GM2A: variants seen among roughly 807,000 people sequenced by gnomAD.
The protein encoded by GM2A is ganglioside GM2 activator.
GM2A carries 7 observed loss-of-function variants against 12.9 expected under a neutral mutation model. That is an observed-to-expected ratio of 0.54 (90% CI 0.31 to 1.02). GM2A has a LOEUF of 1.02. Ranked by LOEUF, GM2A falls within the 50% of genes least tolerant of loss-of-function variation. The probability of loss-of-function intolerance (pLI) is 0.05; values close to 1 mark genes in which losing one functional copy is unlikely to be tolerated. For missense variants in GM2A, 246 were observed against 241.0 expected (o/e 1.02, Z -0.14); for synonymous variants, 101 against 96.0 (o/e 1.05, Z -0.30).
chr5:151,268,234 C>A lies in GM2A; in HGVS notation c.*783C>A. On this transcript the variant is annotated 3_prime_UTR_variant, in exon 4 of 4. Transcript: ENST00000357164. Reference sequence around the variant, plus strand: ...GCAGTGGTGCAATCTCACCTCACTGCAACCTCCGCCTCCTGGGTTCAAGCA... The same window carrying A: ...GCAGTGGTGCAATCTCACCTCACTGAAACCTCCGCCTCCTGGGTTCAAGCA... 2 of 586,360 alleles carry A rather than the reference C, an allele frequency of 3.4e-6. No homozygotes were observed. The highest frequency in any genetic ancestry group is 4.3e-6 in the Non-Finnish European group (2 of 465,912). 36.3% of individuals were successfully genotyped at this position (586,360 alleles called of 1,614,324 possible).
At chr5:151,255,033 G>A (rs1237059889) in intron 1 of GM2A, among the ~76,000 whole-genome samples, 1 of 152,128 alleles carries the variant, frequency 6.6e-6, no homozygotes, top group Admixed American at 6.5e-5. Context: ...CAGGTGCGGT[G>A]GTGCACACCT....
intron 2 of GM2A, among the ~76,000 whole-genome samples, chr5:151,265,045 A>G (rs1753859980): frequency 6.6e-6 from 1 of 151,708 alleles, no homozygotes. Context: ...ACCCAAGGGC[A>G]CAATAAAACT....
chr5:151,260,561 A>G (rs1291747087), intron 2 of GM2A, among the ~76,000 whole-genome samples: 4 of 152,132 alleles, frequency 2.6e-5, no homozygotes, highest in South Asian at 2.1e-4. Context: ...GAGGTTGCAG[A>G]AAGCCAGGAT....
chr5:151,268,152 G>C lies in GM2A; in HGVS notation c.*701G>C. 1 of 943,338 alleles carries C rather than the reference G, an allele frequency of 1.1e-6. No homozygotes were observed. The highest frequency in any genetic ancestry group is 1.2e-6 in the Non-Finnish European group (1 of 817,550). The allele number at this position is 943,338 out of a possible 1,614,324, so 58.4% of individuals were successfully genotyped here. On this transcript the variant is annotated 3_prime_UTR_variant, in exon 4 of 4. Transcript: ENST00000357164. ...ACATGTTGCTTCCAGGCTTGATTTC[G>C]ATTTTTCGCTTTTTTTTTTTTTGAG...
chr5:151,266,680 A>G, intron 2 of GM2A, 51 bp from the exon 3 acceptor site: 1 of 1,404,384 alleles, frequency 7.1e-7, no homozygotes, highest in Non-Finnish European at 1.0e-6. Context: ...TTTGCCCTGG[A>G]ATTTACACTT....
At chr5:151,253,767 G>A (rs141361997) in intron 1 of GM2A, among the ~76,000 whole-genome samples, 1 of 152,206 alleles carries the variant, frequency 6.6e-6, no homozygotes, top group East Asian at 1.9e-4. Flanking sequence ...TGCCCATCTG[G>A]TGACAAATAC....
Position 151,270,034 on chromosome 5 carries a change from C to G in GM2A, c.*2583C>G. 1 of 1,229,936 alleles carries G rather than the reference C, an allele frequency of 8.1e-7. No homozygotes were observed. Among genetic ancestry groups the G allele is most frequent in the Non-Finnish European group, 1.0e-6 (1 of 987,402 alleles). The allele number at this position is 1,229,936 out of a possible 1,614,324, so 76.2% of individuals were successfully genotyped here. A position where few individuals can be genotyped will look rare whatever the true frequency, so the allele number is the denominator to read the frequency against. On this transcript the variant is annotated 3_prime_UTR_variant, in exon 4 of 4. Coordinates refer to ENST00000357164, the MANE Select transcript of GM2A (RefSeq NM_000405.5). ...TTCATTTTTAGTTCACATTCTTGACCGAATCTCAGTAGCTCAGTTAATCTT... is the reference window on the plus strand; with the variant it reads ...TTCATTTTTAGTTCACATTCTTGACGGAATCTCAGTAGCTCAGTTAATCTT...
chr5:151,265,568 C>T (rs1166041813), intron 2 of GM2A, among the ~76,000 whole-genome samples: 1 of 152,150 alleles, frequency 6.6e-6, no homozygotes, highest in Non-Finnish European at 1.5e-5. Context: ...GAGAGTTTTC[C>T]CTTGATACCT....
At chr5:151,258,348 T>C (rs1195067112) in intron 1 of GM2A, among the ~76,000 whole-genome samples, 1 of 152,124 alleles carries the variant, frequency 6.6e-6, no homozygotes, top group South Asian at 2.1e-4. Context: ...GAGAGGAAGG[T>C]AGAAATGCCT....
Position 151,267,966 on chromosome 5 carries a change from G to T in GM2A, c.*515G>T. The T allele has an allele frequency of 1.8e-6, 2 of 1,120,442 alleles. No individual in the cohort carries two copies. The highest frequency in any genetic ancestry group is 2.2e-5 in the South Asian group (1 of 44,934). The allele number at this position is 1,120,442 out of a possible 1,614,324, so 69.4% of individuals were successfully genotyped here. On this transcript the variant is annotated 3_prime_UTR_variant, in exon 4 of 4. Coordinates refer to ENST00000357164, the MANE Select transcript of GM2A (RefSeq NM_000405.5). ...GTGACTAATTTTTATTTCCTTTCTA[G>T]ATTTGCCCAATTAATACTAGGGTGC...
intron 1 of GM2A, among the ~76,000 whole-genome samples, chr5:151,259,519 A>C (rs1753752605): frequency 1.3e-5 from 2 of 152,196 alleles, no homozygotes; most frequent in Admixed American, 6.5e-5. Flanking sequence ...TATAGTTTAC[A>C]ATACACTTTT....
In GM2A at chr5:151,259,808, T is replaced by C; in HGVS notation, c.135T>C (p.Pro45=). 1 of 1,613,752 alleles carries C rather than the reference T, an allele frequency of 6.2e-7. No homozygotes were observed. The change falls in exon 2 of 4, where the codon CCT becomes CCC. Residue 45 remains proline (P), a synonymous_variant. Transcript: ENST00000357164. ...SWDNCDEGKD[P]AVIRSLTLEP... ...ATAACTGTGATGAAGGGAAGGACCCTGCGGTGATCAGAAGCCTGACTCTGG... is the reference window on the plus strand; with the variant it reads ...ATAACTGTGATGAAGGGAAGGACCCCGCGGTGATCAGAAGCCTGACTCTGG...
At chr5:151,265,418 A>G (rs1753865965) in intron 2 of GM2A, among the ~76,000 whole-genome samples, 1 of 152,182 alleles carries the variant, frequency 6.6e-6, no homozygotes, top group African/African-American at 2.4e-5. Flanking sequence ...CAGAGCCCCA[A>G]ATAAAGTGAG....
chr5:151,269,119 A>G lies in GM2A; in HGVS notation c.*1668A>G, dbSNP rs1211749892. ...CCAAGGAAGAGAGGGTGGCCTCGAC[A>G]TCAAACTGCCTGGATTTTTCTACCA... On this transcript the variant is annotated 3_prime_UTR_variant, in exon 4 of 4. Transcript: ENST00000357164. The G allele has an allele frequency of 3.0e-6, 3 of 985,368 alleles. No individual in the cohort carries two copies. The highest frequency in any genetic ancestry group is 3.6e-6 in the Non-Finnish European group (3 of 829,964). 61.0% of individuals were successfully genotyped at this position (985,368 alleles called of 1,614,324 possible). A position where few individuals can be genotyped will look rare whatever the true frequency, so the allele number is the denominator to read the frequency against.
intron 3 of GM2A, 139 bp downstream of exon 3, chr5:151,267,052 A>C: frequency 1.2e-6 from 1 of 868,784 alleles, no homozygotes. Context: ...GGAATCACTT[A>C]TCTTCCGGGA....
At chr5:151,263,156 G>C (rs1416999655) in intron 2 of GM2A, among the ~76,000 whole-genome samples, 1 of 144,544 alleles carries the variant, frequency 6.9e-6, no homozygotes, top group South Asian at 2.2e-4. Flanking sequence ...GTAGTCGCGC[G>C]ATCATGGCTC....
intron 1 of GM2A, among the ~76,000 whole-genome samples, chr5:151,254,272 C>G (rs984167056): frequency 1.3e-5 from 2 of 152,122 alleles, no homozygotes; most frequent in African/African-American, 4.8e-5. Context: ...GATATATACC[C>G]AGAAGTGGGA....
At position 151,268,781 on chromosome 5, in the gene GM2A, A is replaced by T; in HGVS notation, c.*1330A>T. The stretch of plus-strand genomic sequence containing the variant: ...AAGATTGGCAGCTAATTATTTTTTT[A>T]AAAAGCTGTGCAGTGTGATGTGTCC... On this transcript the variant is annotated 3_prime_UTR_variant, in exon 4 of 4. Transcript: ENST00000357164. 1.3e-6 allele frequency: 1 copy of T among 740,796 alleles called. No individual in the cohort carries two copies. The highest frequency in any genetic ancestry group is 1.6e-6 in the Non-Finnish European group (1 of 606,862). The allele number at this position is 740,796 out of a possible 1,614,324, so 45.9% of individuals were successfully genotyped here.
chr5:151,270,202 G>A lies in GM2A; in HGVS notation c.*2751G>A. On this transcript the variant is annotated 3_prime_UTR_variant, in exon 4 of 4. Coordinates refer to ENST00000357164, the MANE Select transcript of GM2A (RefSeq NM_000405.5). ...TGAGCCAACTGGAAAGCCCCTTGGAGAAAGTTGAAGTTAGACCTGTACTTC... is the reference window on the plus strand; with the variant it reads ...TGAGCCAACTGGAAAGCCCCTTGGAAAAAGTTGAAGTTAGACCTGTACTTC... 2.2e-6 allele frequency: 2 copies of A among 890,744 alleles called. No homozygotes were observed. Among genetic ancestry groups the A allele is most frequent in the African/African-American group, 3.5e-5 (2 of 57,902 alleles). 55.2% of individuals were successfully genotyped at this position (890,744 alleles called of 1,614,324 possible). A position where few individuals can be genotyped will look rare whatever the true frequency, so the allele number is the denominator to read the frequency against.
Sources: allele counts gnomAD v4.1 joint callset (sites outside exome capture counted in the v4.1 genomes callset), GRCh38; gene constraint gnomAD v4.1.1; transcripts MANE v1.5; gene names NCBI Gene and HGNC (gene_info 2026-07-23, HGNC 2026-07-21).